Variants in PIP5K1A observed in about 807,000 individuals in gnomAD.
The protein encoded by PIP5K1A is phosphatidylinositol-4-phosphate 5-kinase type 1 alpha, also known as phosphatidylinositol 4-phosphate 5-kinase type-1 alpha.
Under a neutral mutation model 72.9 loss-of-function variants are expected in PIP5K1A, and 46 were observed. The observed-to-expected ratio is 0.63, with a 90% CI of 0.50 to 0.81. The LOEUF is 0.81. Ranked by LOEUF, PIP5K1A falls within the 30% of genes least tolerant of loss-of-function variation. PIP5K1A has a pLI of 0.00. For synonymous variants in PIP5K1A, 228 were observed against 255.1 expected, an observed-to-expected ratio of 0.89 and a Z score of 1.01; for missense variants, 458 against 706.1, an observed-to-expected ratio of 0.65 and a Z score of 3.98.
chr1:151,238,311 A>G, intron 10 of PIP5K1A, 46 bp downstream of exon 10: 3 of 1,275,830 alleles, frequency 2.4e-6, no homozygotes, highest in Non-Finnish European at 3.4e-6. Context: ...GGATACAGAT[A>G]ACCAGTCACG....
In PIP5K1A at chr1:151,198,778, G is replaced by A. The variant is rs887160400; in HGVS notation, c.-219G>A. ...GGAAAGCGGTTAAACTTGTGGAGGG[G>A]GTGCGGGACGTGAGTTCTTCCCCAT... is the stretch of plus-strand genomic sequence containing the variant. On this transcript the variant is annotated 5_prime_UTR_variant, in exon 1 of 16. Coordinates refer to ENST00000368888, the MANE Select transcript of PIP5K1A (RefSeq NM_001135638.2). The A allele has an allele frequency of 4.8e-6, 3 of 631,060 alleles. No homozygotes were observed. The highest frequency in any genetic ancestry group is 3.7e-5 in the South Asian group (2 of 53,802). 39.1% of individuals were successfully genotyped at this position (631,060 alleles called of 1,614,324 possible).
chr1:151,221,010 A>G (rs969209193), intron 1 of PIP5K1A, among the ~76,000 whole-genome samples: 3 of 152,180 alleles, frequency 2.0e-5, no homozygotes, highest in Non-Finnish European at 4.4e-5. Flanking sequence ...TTGCTTCTCA[A>G]GGCTCTTTTC....
intron 1 of PIP5K1A, among the ~76,000 whole-genome samples, chr1:151,204,457 G>A (rs1685663795): frequency 6.6e-6 from 1 of 152,108 alleles, no homozygotes; most frequent in South Asian, 2.1e-4. Flanking sequence ...TATTACAGGC[G>A]TGAGCCGCCA....
At chr1:151,239,882 G>A in intron 11 of PIP5K1A, 73 bp from the exon 12 acceptor site, 1 of 1,046,370 alleles carries the variant, frequency 9.6e-7, no homozygotes, top group Non-Finnish European at 1.5e-6. Context: ...CTCAGTCTGG[G>A]GGAAGATGGC....
rs763518118 is a variant in PIP5K1A at position 151,247,861 on chromosome 1, A to G, written c.1687-2A>G. The G allele has an allele frequency of 3.0e-5, 48 of 1,609,590 alleles. No individual in the cohort carries two copies. Among genetic ancestry groups the G allele is most frequent in the Non-Finnish European group, 3.8e-5 (45 of 1,176,344 alleles). On this transcript the variant is annotated splice_acceptor_variant, in intron 15 of 15. Transcript: ENST00000368888. LOFTEE classifies it high-confidence loss of function. ...CCTTAACTTTACACTCTCCCTTTTC[A>G]GTAAGCGCAAAGCCTCAGAAGACCT...
In PIP5K1A at chr1:151,248,739, ATTTGAAATATATTC is replaced by A. The variant is rs1208586757; in HGVS notation, c.*876_*889del. 1 of 152,612 alleles carries A rather than the reference ATTTGAAATATATTC, an allele frequency of 6.6e-6. No homozygotes were observed. The highest frequency in any genetic ancestry group is 1.5e-5 in the Non-Finnish European group (1 of 68,036). 9.5% of individuals were successfully genotyped at this position (152,612 alleles called of 1,614,324 possible). On this transcript the variant is annotated 3_prime_UTR_variant, in exon 16 of 16. Transcript: ENST00000368888. ...CTATAGTAATTATTACTATTTTGCA[ATTTGAAATATATTC>A]TGGTTGTTTTTCTAAATGTGAAGAC...
intron 10 of PIP5K1A, 51 bp from the exon 11 acceptor site, chr1:151,239,079 G>C (rs755583797): frequency 7.6e-7 from 1 of 1,313,386 alleles, no homozygotes; most frequent in East Asian, 2.3e-5. Context: ...AAGTTATTAA[G>C]GTCATTTATT....
rs117571025 is a variant in PIP5K1A at position 151,231,044 on chromosome 1, A to C, written c.238-627A>C. On this transcript the variant is annotated intron_variant, in intron 4 of 15. Transcript: ENST00000368888. ...AACATAGTGAAACCCCATCTGTACT[A>C]AAAATATAAAGAATAAGCAAGGTGT... Among the ~76,000 whole-genome samples the C allele has an allele frequency of 1.6e-3, 238 of 152,214 alleles. 4 individuals are homozygous for C. In the East Asian group the frequency reaches 0.031, roughly 20 times the overall value.
Position 151,246,905 on chromosome 1 carries a change from T to C in PIP5K1A, c.1641-15T>C, listed in dbSNP as rs755276083. 1.1e-5 allele frequency: 18 copies of C among 1,606,348 alleles called. No individual in the cohort carries two copies. The highest frequency in any genetic ancestry group is 1.4e-5 in the Non-Finnish European group (17 of 1,173,566). The stretch of plus-strand genomic sequence containing the variant: ...ATTCTTTTTCTCTCTGCTTCCATTT[T>C]TTTTCTCCTGTTAGTACAACCTTGG... On this transcript the variant is annotated splice_polypyrimidine_tract_variant and intron_variant, in intron 14 of 15. Transcript: ENST00000368888.
At chr1:151,196,550 A>ATTTTT (rs5777766), upstream of PIP5K1A, among the ~76,000 whole-genome samples, 2 of 114,764 alleles carry the variant, frequency 1.7e-5, no homozygotes, top group African/African-American at 3.3e-5. Context: ...ATGCATGGGG[A>ATTTTT]TTTTTTTTTT....
chr1:151,247,429 C>G (rs926824904), intron 15 of PIP5K1A, among the ~76,000 whole-genome samples: 1 of 150,782 alleles, frequency 6.6e-6, no homozygotes, highest in Admixed American at 6.6e-5. Context: ...ACCCAGCCAT[C>G]GTGTTTGTGT....
intron 8 of PIP5K1A, 90 bp from the exon 9 acceptor site, chr1:151,236,468 C>T: frequency 8.1e-6 from 7 of 862,322 alleles, no homozygotes; most frequent in Non-Finnish European, 5.5e-6. Flanking sequence ...AGATTGATAC[C>T]CTTTCTCAAA....
At chr1:151,224,763 C>G (rs1299361450) in intron 3 of PIP5K1A, among the ~76,000 whole-genome samples, 1 of 152,156 alleles carries the variant, frequency 6.6e-6, no homozygotes, top group Non-Finnish European at 1.5e-5. Context: ...GAACTTTTAG[C>G]CATGCAGAAG....
At chr1:151,218,594 T>C (rs1687959099) in intron 1 of PIP5K1A, among the ~76,000 whole-genome samples, 1 of 152,086 alleles carries the variant, frequency 6.6e-6, no homozygotes, top group African/African-American at 2.4e-5. Context: ...CCCAGCACTT[T>C]GGGAGGCCAA....
At chr1:151,203,258 A>G (rs1020571647) in intron 1 of PIP5K1A, among the ~76,000 whole-genome samples, 15 of 152,040 alleles carry the variant, frequency 9.9e-5, no homozygotes, top group South Asian at 2.1e-4. Context: ...GCTGGGTACA[A>G]TGGCTCACAC....
chr1:151,231,629 A>G (rs1690090169), intron 4 of PIP5K1A, 42 bp from the exon 5 acceptor site: 1 of 1,588,078 alleles, frequency 6.3e-7, no homozygotes, highest in African/African-American at 1.3e-5. Flanking sequence ...TTATGATCCT[A>G]CTTATACTAG....
rs771233592 is a variant in PIP5K1A at position 151,232,283 on chromosome 1, A to G, written c.404A>G (p.Asn135Ser). The change falls in exon 6 of 16, where the codon AAT becomes AGT. Residue 135 changes from asparagine to serine, a missense_variant. This residue lies in a region of PIP5K1A where 220 missense variants were observed against 442.6 expected (regional missense o/e 0.50). Transcript: ENST00000368888. Reference protein sequence around the residue: ...GSNLTPAHHYNDFRFKTYAPV... With the variant: ...GSNLTPAHHYSDFRFKTYAPV... The stretch of plus-strand genomic sequence containing the variant: ...AACCTGACCCCTGCTCATCACTACA[A>G]TGACTTTCGTTTCAAGACCTATGCA... 8.7e-6 allele frequency: 14 copies of G among 1,613,950 alleles called. No individual in the cohort carries two copies. The Middle Eastern group carries it at 8.2e-4, about 95-fold the overall frequency.
At chr1:151,208,569 C>G (rs950080361) in intron 1 of PIP5K1A, among the ~76,000 whole-genome samples, 3 of 151,420 alleles carry the variant, frequency 2.0e-5, no homozygotes, top group African/African-American at 4.9e-5. Flanking sequence ...CCATGTTGGT[C>G]AGGCTGGTCT....
chr1:151,208,158 C>A lies in PIP5K1A; in HGVS notation c.85+9077C>A, dbSNP rs145754564. 8.9e-3 allele frequency among the ~76,000 whole-genome samples: 1,348 copies of A among 152,182 alleles called. 28 individuals are homozygous for A. The highest frequency in any genetic ancestry group is 0.031 in the African/African-American group (1,278 of 41,524). On this transcript the variant is annotated intron_variant, in intron 1 of 15. Coordinates refer to ENST00000368888, the MANE Select transcript of PIP5K1A (RefSeq NM_001135638.2). The stretch of plus-strand genomic sequence containing the variant: ...TACAGGTGTGAGCCACCGGGCCCAG[C>A]TGGCTCATTCTTTGATATACTGCTT...
Sources: gnomAD v4.1 joint callset for allele counts (sites outside exome capture counted in the v4.1 genomes callset) on GRCh38, gnomAD v4.1.1 for gene constraint, gnomAD v4.1.1 regional missense constraint, MANE v1.5 for transcripts, NCBI Gene and HGNC (gene_info 2026-07-23, HGNC 2026-07-21) for gene names.